The following NSF variants were observed in gnomAD, a reference collection of about 807,000 sequenced individuals.
NSF encodes the protein vesicle-fusing ATPase.
A neutral mutation model predicts 50.3 loss-of-function variants in NSF; 14 were observed. The observed-to-expected ratio is 0.28, with a 90% CI of 0.18 to 0.44. The LOEUF (loss-of-function observed/expected upper bound fraction) is 0.44, where lower values mean the gene tolerates loss of function less well. NSF is among the 20% of genes least tolerant of loss of function. The pLI is 1.00. For synonymous variants in NSF, 109 were observed against 175.7 expected, an observed-to-expected ratio of 0.62 and a Z score of 3.00; for missense variants, 218 against 504.3, an observed-to-expected ratio of 0.43 and a Z score of 5.44.
chr17:46,718,986 G>A (rs2058801936), intron 15 of NSF, among the ~76,000 whole-genome samples: 1 of 152,036 alleles, frequency 6.6e-6, no homozygotes, highest in African/African-American at 2.4e-5. Flanking sequence ...AAATGCTCTT[G>A]GTTTTATAAA....
chr17:46,610,272 T>G (rs1177372410), intron 1 of NSF, among the ~76,000 whole-genome samples: 1 of 82,296 alleles, frequency 1.2e-5, no homozygotes, highest in Non-Finnish European at 2.6e-5. Context: ...AGCCTCACTG[T>G]TTTCTTCAGT....
intron 11 of NSF, 21 bp downstream of exon 11, chr17:46,693,942 T>C (rs1329730800): frequency 3.6e-6 from 1 of 278,772 alleles, no homozygotes; most frequent in Non-Finnish European, 5.4e-6. Context: ...CTGTCACTGA[T>C]TGGGTGTGTG....
chr17:46,725,940 G>T (rs2058885067), intron 15 of NSF, among the ~76,000 whole-genome samples: 1 of 152,118 alleles, frequency 6.6e-6, no homozygotes, highest in South Asian at 2.1e-4. Flanking sequence ...CTACATCCTT[G>T]CCAGGCTAAA....
intron 13 of NSF, among the ~76,000 whole-genome samples, chr17:46,706,975 C>T (rs1485498725): frequency 3.4e-5 from 5 of 147,452 alleles, no homozygotes; most frequent in Admixed American, 1.4e-4. Context: ...CTCAGCCTCC[C>T]GAGTAGCTGG....
intron 11 of NSF, among the ~76,000 whole-genome samples, chr17:46,694,176 G>A (rs1352472204): frequency 7.4e-6 from 1 of 135,142 alleles, no homozygotes; most frequent in Non-Finnish European, 1.5e-5. Context: ...CTTGAGGCCA[G>A]TTGTTCGAGA....
intron 9 of NSF, among the ~76,000 whole-genome samples, chr17:46,687,747 A>T (rs2058507087): frequency 7.5e-6 from 1 of 133,262 alleles, no homozygotes; most frequent in Non-Finnish European, 1.6e-5. Context: ...TCTAGATTTC[A>T]GTCTGTCATG....
intron 17 of NSF, among the ~76,000 whole-genome samples, chr17:46,735,405 C>T (rs1040548542): frequency 1.3e-5 from 2 of 151,716 alleles, no homozygotes; most frequent in Non-Finnish European, 2.9e-5. Flanking sequence ...CCATGGGTGC[C>T]ATGACTCTAG....
chr17:46,595,492 C>CTTT (rs1189885490), intron 1 of NSF, among the ~76,000 whole-genome samples: 3 of 96,064 alleles, frequency 3.1e-5, no homozygotes, highest in South Asian at 7.1e-4. Flanking sequence ...ATCACTGGAT[C>CTTT]TTTTTTTTTT....
intron 18 of NSF, among the ~76,000 whole-genome samples, chr17:46,750,564 T>G (rs530687569): frequency 7.2e-5 from 11 of 152,344 alleles, no homozygotes; most frequent in African/African-American, 2.4e-4. Flanking sequence ...ACTCAACCTG[T>G]ACCTCCAGTT....
chr17:46,709,726 C>T (rs2058699670), intron 13 of NSF, among the ~76,000 whole-genome samples: 1 of 151,954 alleles, frequency 6.6e-6, no homozygotes, highest in Non-Finnish European at 1.5e-5. Context: ...AACTCCATAC[C>T]TCAGGTGATC....
chr17:46,679,629 T>G (rs1202859417), intron 9 of NSF, among the ~76,000 whole-genome samples: 1 of 139,550 alleles, frequency 7.2e-6, no homozygotes, highest in Non-Finnish European at 1.5e-5. Flanking sequence ...GAGGCGGAGA[T>G]TGCAGTGAGC....
At chr17:46,600,019 G>A (rs1382931834) in intron 1 of NSF, among the ~76,000 whole-genome samples, 5 of 53,804 alleles carry the variant, frequency 9.3e-5, no homozygotes, top group Non-Finnish European at 1.6e-4. Flanking sequence ...GTGCAGTGGC[G>A]CAGTCATAGC....
chr17:46,735,107 GAT>G, intron 17 of NSF, among the ~76,000 whole-genome samples: 1 of 152,146 alleles, frequency 6.6e-6, no homozygotes. Context: ...CATTGCTACA[GAT>G]ATCTGCTGAA....
At chr17:46,748,208 G>A (rs1255815068) in intron 17 of NSF, among the ~76,000 whole-genome samples, 1 of 152,012 alleles carries the variant, frequency 6.6e-6, no homozygotes, top group Non-Finnish European at 1.5e-5. Context: ...TGACTCTTGG[G>A]TTCAAGCATT....
Position 46,755,806 on chromosome 17 carries a change from C to A in NSF, c.2218C>A (p.Pro740Thr). ...GTTTTGGTATTTCTTTTGCAGTAGC[C>A]CCCTTGATTTTGATTGAAAATGAAC... Reference protein sequence around the residue: ...LALLREEGASPLDFD With the variant: ...LALLREEGASTLDFD Residue 740 changes from proline to threonine, a missense_variant, in exon 21 of 21, where the codon CCC (proline) becomes ACC (threonine). Physicochemically the swap from Pro to Thr is conservative, Grantham distance 38 (BLOSUM62 -1). Around this residue, in one of 2 missense-constraint regions of NSF, gnomAD observed 209 missense variants for 320.9 expected, o/e 0.65. Coordinates refer to ENST00000398238, the MANE Select transcript of NSF (RefSeq NM_006178.4). The A allele has an allele frequency of 6.2e-7, 1 of 1,610,864 alleles. No individual in the cohort carries two copies. The highest frequency in any genetic ancestry group is 8.5e-7 in the Non-Finnish European group (1 of 1,179,488).
chr17:46,722,556 C>T (rs540431414), intron 15 of NSF, among the ~76,000 whole-genome samples: 1 of 152,298 alleles, frequency 6.6e-6, no homozygotes, highest in East Asian at 1.9e-4. Context: ...TTGGATTTTC[C>T]TGTGGCAGCT....
chr17:46,732,848 GA>G (rs1327461525), intron 17 of NSF, among the ~76,000 whole-genome samples: 1 of 152,138 alleles, frequency 6.6e-6, no homozygotes, highest in Non-Finnish European at 1.5e-5. Flanking sequence ...AGCCAAGCCG[GA>G]AAAAAGGGCT....
intron 8 of NSF, among the ~76,000 whole-genome samples, chr17:46,672,125 G>A (rs2058375153): frequency 1.4e-5 from 1 of 71,214 alleles, no homozygotes; most frequent in Admixed American, 1.4e-4. Flanking sequence ...AAGAAGCCAT[G>A]TAAACAGAGA....
chr17:46,744,921 A>G (rs2059112321), intron 17 of NSF, among the ~76,000 whole-genome samples: 1 of 152,190 alleles, frequency 6.6e-6, no homozygotes, highest in Non-Finnish European at 1.5e-5. Flanking sequence ...GTTTATCATA[A>G]TCCGATTGGC....
Sources: gnomAD v4.1 joint callset for allele counts (sites outside exome capture counted in the v4.1 genomes callset) on GRCh38, gnomAD v4.1.1 for gene constraint, gnomAD v4.1.1 regional missense constraint, MANE v1.5 for transcripts, NCBI Gene and HGNC (gene_info 2026-07-23, HGNC 2026-07-21) for gene names.